NCALD: variants seen among roughly 807,000 people sequenced by gnomAD.
NCALD encodes neurocalcin delta.
In NCALD, 10 loss-of-function variants were observed where a neutral mutation model predicts 18.6. The observed-to-expected ratio is 0.54, with a 90% CI of 0.33 to 0.91. NCALD has a LOEUF of 0.91. NCALD is among the 40% of genes least tolerant of loss of function. The probability of loss-of-function intolerance (pLI) is 0.03; values close to 1 mark genes in which losing one functional copy is unlikely to be tolerated. For synonymous variants in NCALD, 88 were observed against 87.4 expected (o/e 1.01, Z -0.04); for missense variants, 184 against 247.6 (o/e 0.74, Z 1.72).
At chr8:101,715,461 A>G (rs1045259858) in intron 2 of NCALD, among the ~76,000 whole-genome samples, 5 of 149,562 alleles carry the variant, frequency 3.3e-5, no homozygotes, top group African/African-American at 1.3e-4. Flanking sequence ...ATGGTAACAA[A>G]AGCCAATGGG....
intron 2 of NCALD, among the ~76,000 whole-genome samples, chr8:101,717,421 G>C (rs1444521628): frequency 6.6e-6 from 1 of 152,140 alleles, no homozygotes; most frequent in Non-Finnish European, 1.5e-5. Flanking sequence ...TCATAAATTT[G>C]TATTTTTCAT....
intron 2 of NCALD, among the ~76,000 whole-genome samples, chr8:101,985,002 A>G (rs1820751936): frequency 6.6e-6 from 1 of 152,182 alleles, no homozygotes; most frequent in Admixed American, 6.5e-5. Flanking sequence ...AGTCAGGGAC[A>G]TGGATTTTAA....
chr8:102,122,622 C>T (rs1825976487), intron 1 of NCALD, among the ~76,000 whole-genome samples: 1 of 152,182 alleles, frequency 6.6e-6, no homozygotes, highest in Admixed American at 6.5e-5. Context: ...ATGCTTAGTG[C>T]TTTCTGGGTA....
At chr8:101,916,995 G>A (rs919492366) in intron 2 of NCALD, among the ~76,000 whole-genome samples, 4 of 152,034 alleles carry the variant, frequency 2.6e-5, no homozygotes, top group Non-Finnish European at 5.9e-5. Flanking sequence ...TGACCAATGA[G>A]AACTAACAGA....
chr8:101,700,501 C>T (rs545703071), intron 2 of NCALD, among the ~76,000 whole-genome samples: 142 of 152,242 alleles, frequency 9.3e-4, no homozygotes, highest in Non-Finnish European at 1.6e-3. Flanking sequence ...TATGAAAGCC[C>T]TTGCCTAGGC....
chr8:102,082,226 C>CTTTT lies in NCALD; in HGVS notation c.-210+42007_-210+42010dup, dbSNP rs757875219. ...TGGGCAGTTATTTGAGAAGCTCTCT[C>CTTTT]TTTTTTTTTTTTTTTTTTTTTTTTG... On this transcript the variant is annotated intron_variant, in intron 1 of 6. Transcript: ENST00000311028. Among the ~76,000 whole-genome samples the CTTTT allele has an allele frequency of 5.1e-3, 364 of 71,824 alleles. 14 individuals are homozygous for CTTTT. The highest frequency in any genetic ancestry group is 0.04 in the East Asian group (86 of 2,158). The allele number at this position is 71,824 out of a possible 152,430, so 47.1% of individuals were successfully genotyped here. A position where few individuals can be genotyped will look rare whatever the true frequency, so the allele number is the denominator to read the frequency against.
At chr8:101,996,226 G>C (rs773088289) in intron 2 of NCALD, among the ~76,000 whole-genome samples, 2 of 152,194 alleles carry the variant, frequency 1.3e-5, no homozygotes, top group Admixed American at 6.5e-5. Context: ...AAAATATTAG[G>C]AGCCACATCT....
At chr8:101,905,978 T>A (rs1234551789) in intron 3 of NCALD, among the ~76,000 whole-genome samples, 1 of 152,236 alleles carries the variant, frequency 6.6e-6, no homozygotes, top group Non-Finnish European at 1.5e-5. Context: ...ATTAACAGAA[T>A]GAAGTAATTA....
chr8:101,738,970 T>C (rs894280286), intron 1 of NCALD, among the ~76,000 whole-genome samples: 12 of 152,164 alleles, frequency 7.9e-5, no homozygotes, highest in Admixed American at 6.6e-5. Context: ...ACTTGTCTCT[T>C]TCCTCAAACT....
intron 2 of NCALD, among the ~76,000 whole-genome samples, chr8:101,951,112 G>A (rs1323265095): frequency 6.6e-6 from 1 of 152,120 alleles, no homozygotes; most frequent in African/African-American, 2.4e-5. Context: ...TCCAATGTTG[G>A]TCTTGGTTTT....
At chr8:101,732,103 C>T (rs995476867) in intron 1 of NCALD, among the ~76,000 whole-genome samples, 3 of 152,188 alleles carry the variant, frequency 2.0e-5, no homozygotes, top group Non-Finnish European at 4.4e-5. Context: ...CCTCAACAGC[C>T]CCTCAAGGCT....
At chr8:101,826,034 T>G (rs369774759) in intron 4 of NCALD, among the ~76,000 whole-genome samples, 1 of 152,168 alleles carries the variant, frequency 6.6e-6, no homozygotes, top group Non-Finnish European at 1.5e-5. Context: ...TCAAAGTTCA[T>G]TGAAAATATT....
At chr8:101,756,426 G>A (rs978660509) in intron 1 of NCALD, among the ~76,000 whole-genome samples, 6 of 152,304 alleles carry the variant, frequency 3.9e-5, no homozygotes, top group Middle Eastern at 3.4e-3. Context: ...ACAATGGATA[G>A]GCAATGAGTA....
intron 1 of NCALD, among the ~76,000 whole-genome samples, chr8:101,741,145 G>C (rs1336378846): frequency 6.6e-6 from 1 of 152,218 alleles, no homozygotes; most frequent in Non-Finnish European, 1.5e-5. Context: ...AAGGAGAGGA[G>C]GCACCCGGAA....
intron 2 of NCALD, among the ~76,000 whole-genome samples, chr8:101,990,489 T>G (rs1257356413): frequency 6.6e-6 from 1 of 152,210 alleles, no homozygotes; most frequent in African/African-American, 2.4e-5. Context: ...CCCACAATTC[T>G]CATGTGTTGT....
At chr8:101,891,332 G>A (rs1358497210) in intron 3 of NCALD, among the ~76,000 whole-genome samples, 2 of 151,984 alleles carry the variant, frequency 1.3e-5, no homozygotes, top group Non-Finnish European at 2.9e-5. Flanking sequence ...TTATAATTTT[G>A]TCATTCCTAG....
intron 1 of NCALD, among the ~76,000 whole-genome samples, chr8:102,025,525 A>T (rs906699263): frequency 1.1e-4 from 16 of 152,236 alleles, no homozygotes; most frequent in African/African-American, 3.9e-4. Flanking sequence ...TGGTAGCTCC[A>T]GCCTTACTCC....
At chr8:101,984,018 A>G (rs762119025) in intron 2 of NCALD, among the ~76,000 whole-genome samples, 2 of 152,176 alleles carry the variant, frequency 1.3e-5, no homozygotes, top group Non-Finnish European at 2.9e-5. Context: ...CTGCTCGAAT[A>G]TGCTATGTTT....
intron 4 of NCALD, among the ~76,000 whole-genome samples, chr8:101,846,921 A>G (rs768997159): frequency 2.0e-5 from 3 of 152,182 alleles, no homozygotes; most frequent in Non-Finnish European, 2.9e-5. Context: ...TCCAGCCACA[A>G]GGAGTATTTT....
Sources: gnomAD v4.1 joint callset for allele counts (sites outside exome capture counted in the v4.1 genomes callset) on GRCh38, gnomAD v4.1.1 for gene constraint, MANE v1.5 for transcripts, NCBI Gene and HGNC (gene_info 2026-07-23, HGNC 2026-07-21) for gene names.